CNOT2: variants seen among roughly 807,000 people sequenced by gnomAD.
The protein encoded by CNOT2 is CC chemokine receptor 4-negative regulator of transcription 2.
CNOT2 carries 7 observed loss-of-function variants against 72.1 expected under a neutral mutation model. The ratio of observed to expected loss-of-function variants is 0.10; its 90% CI spans 0.06 to 0.18. CNOT2 has a LOEUF of 0.18. Ranked by LOEUF, CNOT2 falls within the 10% of genes least tolerant of loss-of-function variation. The pLI is 1.00. For missense variants in CNOT2, 345 were observed against 660.3 expected, an observed-to-expected ratio of 0.52 and a Z score of 5.23; for synonymous variants, 196 against 225.6, an observed-to-expected ratio of 0.87 and a Z score of 1.17.
At chr12:70,246,992 A>C (rs745890661) in intron 1 of CNOT2, among the ~76,000 whole-genome samples, 3 of 152,190 alleles carry the variant, frequency 2.0e-5, no homozygotes, top group Non-Finnish European at 4.4e-5. Context: ...CTTATGACAT[A>C]TAATATGGAA....
At chr12:70,302,069 C>A (rs1362543294) in intron 2 of CNOT2, among the ~76,000 whole-genome samples, 1 of 152,184 alleles carries the variant, frequency 6.6e-6, no homozygotes, top group Non-Finnish European at 1.5e-5. Context: ...GGTGATATCC[C>A]CTTTGGCATT....
chr12:70,274,873 GT>G (rs1331532943), intron 1 of CNOT2, among the ~76,000 whole-genome samples: 1 of 152,014 alleles, frequency 6.6e-6, no homozygotes, highest in African/African-American at 2.4e-5. Context: ...CTTCCATTTT[GT>G]TGTTGAGAGT....
At chr12:70,282,492 C>T (rs1051597434) in intron 2 of CNOT2, among the ~76,000 whole-genome samples, 1 of 152,108 alleles carries the variant, frequency 6.6e-6, no homozygotes, top group Non-Finnish European at 1.5e-5. Flanking sequence ...ATTACCAAAA[C>T]GTTGAAGAAA....
intron 2 of CNOT2, among the ~76,000 whole-genome samples, chr12:70,304,305 GCT>G (rs1284384402): frequency 2.0e-5 from 3 of 151,160 alleles, no homozygotes; most frequent in Non-Finnish European, 4.4e-5. Context: ...CAGTTTTTCT[GCT>G]CTGTTTTTTC....
intron 11 of CNOT2, among the ~76,000 whole-genome samples, chr12:70,340,628 C>A (rs1368859063): frequency 6.6e-6 from 1 of 152,054 alleles, no homozygotes; most frequent in African/African-American, 2.4e-5. Context: ...TTCTTTTATA[C>A]CCCATAATCA....
chr12:70,281,692 T>TCATA (rs1869868472), intron 2 of CNOT2, among the ~76,000 whole-genome samples: 1 of 152,202 alleles, frequency 6.6e-6, no homozygotes, highest in South Asian at 2.1e-4. Context: ...TCCCTTTCTT[T>TCATA]CATAGCCTTT....
chr12:70,250,087 G>A (rs1958065643), intron 1 of CNOT2, among the ~76,000 whole-genome samples: 1 of 152,076 alleles, frequency 6.6e-6, no homozygotes, highest in Non-Finnish European at 1.5e-5. Flanking sequence ...GTTTAAGTTT[G>A]GTATACAATG....
Position 70,261,305 on chromosome 12 carries a change from C to CTTTTTTTTT in CNOT2, c.-95-16808_-95-16800dup, listed in dbSNP as rs71437141. Among the ~76,000 whole-genome samples the CTTTTTTTTT allele has an allele frequency of 1.8e-3, 80 of 43,358 alleles. 16 individuals are homozygous for CTTTTTTTTT. The highest frequency in any genetic ancestry group is 0.023 in the Middle Eastern group (1 of 44). 28.4% of individuals were successfully genotyped at this position (43,358 alleles called of 152,430 possible). A position where few individuals can be genotyped will look rare whatever the true frequency, so the allele number is the denominator to read the frequency against. On this transcript the variant is annotated intron_variant, in intron 1 of 15. Coordinates refer to ENST00000229195, the MANE Select transcript of CNOT2 (RefSeq NM_014515.7). ...ATCTTTGTGCCTATTTTCTTTCTTT[C>CTTTTTTTTT]TTTTTTTTTTTTTTTTTTTTTTTTT...
chr12:70,294,045 T>C, intron 2 of CNOT2: 1 of 1,104,978 alleles, frequency 9.0e-7, no homozygotes, highest in Non-Finnish European at 1.2e-6. Flanking sequence ...CAGATCTTTA[T>C]AGCATGATTT....
chr12:70,302,259 T>G (rs1397647444), intron 2 of CNOT2, among the ~76,000 whole-genome samples: 1 of 151,730 alleles, frequency 6.6e-6, no homozygotes, highest in Admixed American at 6.6e-5. Flanking sequence ...TTCTGCTAGC[T>G]TTTGAATGTG....
Position 70,329,406 on chromosome 12 carries a change from C to A in CNOT2, c.239-17C>A. ...CCTGATGGCAATGAATTTCCTTCTT[C>A]TGAATTTTTTTATTAGGTGCACTAG... On this transcript the variant is annotated splice_polypyrimidine_tract_variant and intron_variant, in intron 4 of 15. Coordinates refer to ENST00000229195, the MANE Select transcript of CNOT2 (RefSeq NM_014515.7). 1 of 1,600,404 alleles carries A rather than the reference C, an allele frequency of 6.2e-7. No homozygotes were observed. The highest frequency in any genetic ancestry group is 1.1e-5 in the South Asian group (1 of 90,500).
Position 70,341,238 on chromosome 12 carries a change from C to T in CNOT2, c.1179-869C>T, listed in dbSNP as rs1881468419. Among the ~76,000 whole-genome samples the T allele has an allele frequency of 2.6e-5, 4 of 152,078 alleles. No homozygotes were observed. In the South Asian group the frequency reaches 8.3e-4, roughly 31 times the overall value. On this transcript the variant is annotated intron_variant, in intron 11 of 15. Coordinates refer to ENST00000229195, the MANE Select transcript of CNOT2 (RefSeq NM_014515.7). ...AAGGTCTTACATGATTATTGTTTGT[C>T]CCCTAACCCCACCTCAACAGCTTTT...
intron 6 of CNOT2, chr12:70,330,910 T>C (rs1314356444): frequency 6.5e-6 from 1 of 153,866 alleles, no homozygotes; most frequent in Non-Finnish European, 1.4e-5. Context: ...CAAAAGACTT[T>C]TTAAGATCAC....
intron 11 of CNOT2, among the ~76,000 whole-genome samples, chr12:70,340,322 G>A (rs1373745068): frequency 6.6e-6 from 1 of 152,136 alleles, no homozygotes; most frequent in Admixed American, 6.5e-5. Context: ...GTCTTTTTCA[G>A]TTTCCTTTGC....
Position 70,339,014 on chromosome 12 carries a change from A to ATGTGTGTG in CNOT2, c.1178+221_1178+228dup, listed in dbSNP as rs143055295. 3.0e-3 allele frequency among the ~76,000 whole-genome samples: 396 copies of ATGTGTGTG among 131,036 alleles called. 2 individuals carry two copies. Among genetic ancestry groups the ATGTGTGTG allele is most frequent in the African/African-American group, 9.1e-3 (311 of 34,326 alleles). 86.0% of individuals were successfully genotyped at this position (131,036 alleles called of 152,430 possible). On this transcript the variant is annotated intron_variant, in intron 11 of 15. Transcript: ENST00000229195. ...TATTCCTTTTATAATTTGGCATTTT[A>ATGTGTGTG]TGTGTGTGTGTGTGTGTGTGTGTGT...
intron 2 of CNOT2, among the ~76,000 whole-genome samples, chr12:70,281,319 G>A (rs149675051): frequency 0.096 from 14,527 of 152,094 alleles, 897 homozygotes; most frequent in Middle Eastern, 0.19. Flanking sequence ...TCCTGACCTC[G>A]TGATCTGCCC....
chr12:70,326,301 G>A (rs1362209744), intron 4 of CNOT2, among the ~76,000 whole-genome samples: 2 of 151,776 alleles, frequency 1.3e-5, no homozygotes, highest in African/African-American at 2.4e-5. Context: ...AGAGGAAGTA[G>A]TATAGTGCTT....
chr12:70,305,873 G>GTTTTTTTTTTTTTTTTTTTTTTTTTTTTT (rs11412509), intron 2 of CNOT2, among the ~76,000 whole-genome samples: 1 of 60,074 alleles, frequency 1.7e-5, no homozygotes, highest in Non-Finnish European at 3.0e-5. Flanking sequence ...TCTGAAGTTT[G>GTTTTTTTTTTTTTTTTTTTTTTTTTTTTT]TTTTTTTTTT....
At chr12:70,260,422 A>G (rs961369251) in intron 1 of CNOT2, among the ~76,000 whole-genome samples, 1 of 151,922 alleles carries the variant, frequency 6.6e-6, no homozygotes, top group Non-Finnish European at 1.5e-5. Flanking sequence ...TCTTAATTTC[A>G]TTTTTGGATT....
Sources: allele counts gnomAD v4.1 joint callset (sites outside exome capture counted in the v4.1 genomes callset), GRCh38; gene constraint gnomAD v4.1.1; transcripts MANE v1.5; gene names NCBI Gene and HGNC (gene_info 2026-07-23, HGNC 2026-07-21).